The following ICA1 variants were observed in gnomAD, a reference collection of about 807,000 sequenced individuals.
The protein encoded by ICA1 is islet cell autoantigen 1, also known as 69 kDa islet cell autoantigen.
Under a neutral mutation model 71.0 loss-of-function variants are expected in ICA1, and 40 were observed. The ratio of observed to expected loss-of-function variants is 0.56; its 90% CI spans 0.44 to 0.73. The LOEUF is 0.73. Among genes scored for constraint, ICA1 ranks in the 30% least tolerant of loss-of-function variants. ICA1 has a pLI of 0.00. For missense variants in ICA1, 578 were observed against 576.5 expected (o/e 1.00, Z -0.03); for synonymous variants, 207 against 209.5 (o/e 0.99, Z 0.10).
rs1371451539 is a variant in ICA1, at chr7:8,226,574, A to G, written c.256+2027T>C. Among the ~76,000 whole-genome samples, 1 of 152,198 alleles carries G rather than the reference A, an allele frequency of 6.6e-6. No homozygotes were observed. Among genetic ancestry groups the G allele is most frequent in the Non-Finnish European group, 1.5e-5 (1 of 68,034 alleles). On this transcript the variant is annotated intron_variant, in intron 4 of 13. Coordinates refer to ENST00000402384, the MANE Select transcript of ICA1 (RefSeq NM_001136020.3). The surrounding 1 kb of genome is among the most constrained non-coding windows in gnomAD (Gnocchi z 4.4). ...GATTTTCCTCATTTTTGTGTCTTTGACAGCTACATAGCAACATCCTCAAAT... is the reference window on the plus strand; with the variant it reads ...GATTTTCCTCATTTTTGTGTCTTTGGCAGCTACATAGCAACATCCTCAAAT...
intron 1 of ICA1, among the ~76,000 whole-genome samples, chr7:8,241,690 C>G (rs1050351159): frequency 3.9e-5 from 6 of 152,120 alleles, no homozygotes; most frequent in African/African-American, 1.4e-4. Flanking sequence ...CAGAGACACA[C>G]ATAGGCTCAA....
At position 8,125,104 on chromosome 7, in the gene ICA1, A is replaced by G. The variant is rs568918386; in HGVS notation, c.1330+2769T>C. The stretch of plus-strand genomic sequence containing the variant: ...TTGCCCGGGTGGTAACTCCTTTAAC[A>G]CTGACCTTGATAGAATCCCAGCAGA... On this transcript the variant is annotated intron_variant, in intron 13 of 13. Transcript: ENST00000402384. 6.6e-5 allele frequency among the ~76,000 whole-genome samples: 10 copies of G among 152,258 alleles called. No homozygotes were observed. The South Asian group carries it at 2.1e-3, about 32-fold the overall frequency.
At chr7:8,237,621 A>G (rs895274901) in intron 1 of ICA1, among the ~76,000 whole-genome samples, 2 of 152,028 alleles carry the variant, frequency 1.3e-5, no homozygotes, top group African/African-American at 4.8e-5. Context: ...CCCAGCAACC[A>G]CTATTCTAGT....
chr7:8,244,514 TA>T (rs1037672827), intron 1 of ICA1, among the ~76,000 whole-genome samples: 3 of 152,132 alleles, frequency 2.0e-5, no homozygotes, highest in Non-Finnish European at 2.9e-5. Context: ...ACTTCATGAC[TA>T]AAACACCAAA....
chr7:8,204,217 T>C (rs1034535805), intron 6 of ICA1, among the ~76,000 whole-genome samples: 2 of 152,212 alleles, frequency 1.3e-5, no homozygotes, highest in South Asian at 2.1e-4. Context: ...GAAACCTTTT[T>C]TTCCAATAGT....
chr7:8,261,079 GC>G (rs1812156780), intron 1 of ICA1, among the ~76,000 whole-genome samples: 1 of 152,228 alleles, frequency 6.6e-6, no homozygotes, highest in Middle Eastern at 3.4e-3. Flanking sequence ...TATTTTCCAG[GC>G]CTTGATAATT....
chr7:8,174,819 G>A (rs1399620347), intron 6 of ICA1, among the ~76,000 whole-genome samples: 1 of 146,856 alleles, frequency 6.8e-6, no homozygotes, highest in Non-Finnish European at 1.5e-5. Flanking sequence ...ACTCTTTAAT[G>A]CGGGAAACAC....
At chr7:8,220,761 G>T (rs1231113389) in intron 5 of ICA1, among the ~76,000 whole-genome samples, 1 of 152,154 alleles carries the variant, frequency 6.6e-6, no homozygotes, top group African/African-American at 2.4e-5. Flanking sequence ...TGTGGATCCT[G>T]CATGTCTGGG....
In ICA1 at chr7:8,256,130, C is replaced by A. The variant is rs575338396; in HGVS notation, c.-80+5964G>T. ...TCTCTCCATTCTACCTCTTAAAAAG[C>A]GATTGAATGCATCTTATCTTTTCTA... On this transcript the variant is annotated intron_variant, in intron 1 of 13. Transcript: ENST00000402384. Among the ~76,000 whole-genome samples, 23 of 152,260 alleles carry A rather than the reference C, an allele frequency of 1.5e-4. No homozygotes were observed. In the South Asian group the frequency reaches 4.4e-3, roughly 29 times the overall value.
intron 2 of ICA1, among the ~76,000 whole-genome samples, chr7:8,235,655 T>C (rs1245273395): frequency 2.0e-5 from 3 of 152,204 alleles, no homozygotes; most frequent in East Asian, 1.9e-4. Context: ...AAACTATCAG[T>C]AGGTTCCCAA....
At chr7:8,186,392 G>C (rs1030644187) in intron 6 of ICA1, among the ~76,000 whole-genome samples, 2 of 152,180 alleles carry the variant, frequency 1.3e-5, no homozygotes, top group Non-Finnish European at 2.9e-5. Flanking sequence ...TGGACCTAGG[G>C]AAGGAGAGTG....
chr7:8,116,502 T>A (rs1278450061), intron 13 of ICA1: 1 of 152,150 alleles, frequency 6.6e-6, no homozygotes, highest in East Asian at 1.9e-4. Context: ...TCCAAAAATA[T>A]GAAAAATGAA....
rs141256912 is a variant in ICA1 at position 8,228,007 on chromosome 7, C to T, written c.256+594G>A. On this transcript the variant is annotated intron_variant, in intron 4 of 13. Coordinates refer to ENST00000402384, the MANE Select transcript of ICA1 (RefSeq NM_001136020.3). The stretch of plus-strand genomic sequence containing the variant: ...ACAGAAAGACTTCCCATAGTCTAGT[C>T]TCAAAAATATATACATTATATTATT... 9.1e-3 allele frequency among the ~76,000 whole-genome samples: 1,365 copies of T among 150,708 alleles called. 16 individuals carry two copies. Among genetic ancestry groups the T allele is most frequent in the African/African-American group, 0.031 (1,228 of 40,190 alleles).
At chr7:8,180,350 G>A (rs1032932693) in intron 6 of ICA1, among the ~76,000 whole-genome samples, 2 of 152,060 alleles carry the variant, frequency 1.3e-5, no homozygotes, top group African/African-American at 4.8e-5. Flanking sequence ...CTGCAATATA[G>A]TAACAGTTCG....
At position 8,141,788 on chromosome 7, in the gene ICA1, C is replaced by T. The variant is rs769814593; in HGVS notation, c.932G>A (p.Arg311His). The change falls in exon 10 of 14, where the codon CGC (arginine) becomes CAC (histidine). Residue 311 changes from arginine (R) to histidine (H), a missense_variant. Transcript: ENST00000402384. Reference sequence around the variant, plus strand: ...ACTCTTAAAACTAGAGGATTCCTTGCGCTGGTTTTCTTCCTCTAATGAAAT... The same window carrying T: ...ACTCTTAAAACTAGAGGATTCCTTGTGCTGGTTTTCTTCCTCTAATGAAAT... Reference protein sequence around the residue: ...QLISLEEENQRKESSSFKTED... With the variant: ...QLISLEEENQHKESSSFKTED... The T allele has an allele frequency of 3.6e-5, 57 of 1,569,624 alleles. No individual in the cohort carries two copies. In the East Asian group the frequency reaches 6.7e-4, roughly 19 times the overall value.
intron 6 of ICA1, among the ~76,000 whole-genome samples, chr7:8,217,124 A>C (rs954044582): frequency 1.3e-5 from 2 of 152,222 alleles, no homozygotes; most frequent in African/African-American, 4.8e-5. Flanking sequence ...AGCGAGTTTC[A>C]CCAGAGGATC....
At chr7:8,257,942 C>T (rs1340771691) in intron 1 of ICA1, among the ~76,000 whole-genome samples, 1 of 152,152 alleles carries the variant, frequency 6.6e-6, no homozygotes, top group Non-Finnish European at 1.5e-5. Context: ...GACTTTTGTA[C>T]ACACATACAC....
At chr7:8,188,847 G>A (rs922626038) in intron 6 of ICA1, among the ~76,000 whole-genome samples, 1 of 152,146 alleles carries the variant, frequency 6.6e-6, no homozygotes, top group African/African-American at 2.4e-5. Flanking sequence ...ATGGTTTGGT[G>A]GGAGCATCCC....
intron 6 of ICA1, among the ~76,000 whole-genome samples, chr7:8,211,428 T>C (rs961769446): frequency 2.0e-5 from 3 of 152,132 alleles, no homozygotes; most frequent in African/African-American, 4.8e-5. Context: ...TTGTCCAGCA[T>C]TATGCCCTGA....
Sources: gnomAD v4.1 joint callset for allele counts (sites outside exome capture counted in the v4.1 genomes callset) on GRCh38, gnomAD v4.1.1 for gene constraint, Gnocchi (gnomAD v3.1) non-coding constraint, MANE v1.5 for transcripts, NCBI Gene and HGNC (gene_info 2026-07-23, HGNC 2026-07-21) for gene names.